ZBTB40: variants seen among roughly 807,000 people sequenced by gnomAD.
The protein encoded by ZBTB40 is zinc finger and BTB domain-containing protein 40.
A neutral mutation model predicts 117.5 loss-of-function variants in ZBTB40; 60 were observed. The observed-to-expected ratio is 0.51, with a 90% CI of 0.41 to 0.63. The LOEUF is 0.63. Among genes scored for constraint, ZBTB40 ranks in the 30% least tolerant of loss-of-function variants. The probability of loss-of-function intolerance (pLI) is 0.00; values close to 1 mark genes in which losing one functional copy is unlikely to be tolerated. For missense variants in ZBTB40, 1,287 were observed against 1,498.5 expected (o/e 0.86, Z 2.33); for synonymous variants, 525 against 577.1 (o/e 0.91, Z 1.29).
At chr1:22,438,936 C>T (rs1640702096) in intron 1 of ZBTB40, among the ~76,000 whole-genome samples, 1 of 152,038 alleles carries the variant, frequency 6.6e-6, no homozygotes, top group South Asian at 2.1e-4. Flanking sequence ...GGCATGATCT[C>T]GGCTCACTGC....
rs1486786421 is a variant in ZBTB40, at chr1:22,527,491, G to A, written c.*1095G>A. 1 of 152,386 alleles carries A rather than the reference G, an allele frequency of 6.6e-6. No homozygotes were observed. The highest frequency in any genetic ancestry group is 1.5e-5 in the Non-Finnish European group (1 of 68,042). The allele number at this position is 152,386 out of a possible 1,614,324, so 9.4% of individuals were successfully genotyped here. ...AATATAATCTGATAATTAATGGTTT[G>A]TGGAATCCATTATGAAGTGCAATTA... On this transcript the variant is annotated 3_prime_UTR_variant, in exon 18 of 18. Coordinates refer to ENST00000375647, the MANE Select transcript of ZBTB40 (RefSeq NM_014870.4).
intron 1 of ZBTB40, among the ~76,000 whole-genome samples, chr1:22,429,038 A>G (rs2124355684): frequency 6.6e-6 from 1 of 152,330 alleles, no homozygotes; most frequent in East Asian, 1.9e-4. Flanking sequence ...TAACTGATAC[A>G]AGCAAAAGTC....
intron 1 of ZBTB40, among the ~76,000 whole-genome samples, chr1:22,477,816 G>A (rs1218151702): frequency 6.6e-6 from 1 of 152,144 alleles, no homozygotes; most frequent in Non-Finnish European, 1.5e-5. Flanking sequence ...TCAAAGTGCT[G>A]GGATTAACAG....
intron 1 of ZBTB40, among the ~76,000 whole-genome samples, chr1:22,432,574 G>GA (rs1640606625): frequency 6.6e-6 from 1 of 152,194 alleles, no homozygotes; most frequent in South Asian, 2.1e-4. Context: ...AGGTACATTG[G>GA]ATAGTAAAGT....
intron 1 of ZBTB40, among the ~76,000 whole-genome samples, chr1:22,487,995 C>G (rs1638520609): frequency 6.6e-6 from 1 of 152,150 alleles, no homozygotes; most frequent in Non-Finnish European, 1.5e-5. Context: ...TATCTGCATG[C>G]CTCATGCAGG....
intron 1 of ZBTB40, among the ~76,000 whole-genome samples, chr1:22,431,247 T>A (rs1640577748): frequency 6.8e-6 from 1 of 148,016 alleles, no homozygotes; most frequent in African/African-American, 2.5e-5. Flanking sequence ...ATAGTATGCA[T>A]ATACAATATT....
intron 5 of ZBTB40, among the ~76,000 whole-genome samples, chr1:22,503,568 G>A (rs752890205): frequency 1.3e-5 from 2 of 151,916 alleles, no homozygotes; most frequent in African/African-American, 4.8e-5. Flanking sequence ...CTAGATCCTC[G>A]ATTTTATTTT....
At chr1:22,441,027 T>G (rs539620011) in intron 1 of ZBTB40, among the ~76,000 whole-genome samples, 1 of 152,342 alleles carries the variant, frequency 6.6e-6, no homozygotes, top group South Asian at 2.1e-4. Context: ...CCTCCTCAAT[T>G]TTTTGGAAAA....
chr1:22,518,848 C>T (rs974958520), intron 13 of ZBTB40, among the ~76,000 whole-genome samples: 1 of 152,202 alleles, frequency 6.6e-6, no homozygotes, highest in African/African-American at 2.4e-5. Context: ...TCTTTAATGA[C>T]ATTCTGCTTT....
chr1:22,491,141 C>T (rs536741838), intron 2 of ZBTB40, among the ~76,000 whole-genome samples: 2 of 152,146 alleles, frequency 1.3e-5, no homozygotes, highest in South Asian at 2.1e-4. Context: ...ATGATCCACC[C>T]GCCTCAGCCT....
Position 22,530,773 on chromosome 1 carries a change from CAG to C in ZBTB40, c.*4378_*4379del, listed in dbSNP as rs1369846976. On this transcript the variant is annotated 3_prime_UTR_variant, in exon 18 of 18. Transcript: ENST00000375647. The stretch of plus-strand genomic sequence containing the variant: ...GTTCTGGGCCAGTGTCAGACGGGGA[CAG>C]GGGTGATAGGCCTGGTGTCCTAGGG... 1.3e-5 allele frequency: 2 copies of C among 152,268 alleles called. No individual in the cohort carries two copies. The highest frequency in any genetic ancestry group is 2.9e-5 in the Non-Finnish European group (2 of 68,036). 9.4% of individuals were successfully genotyped at this position (152,268 alleles called of 1,614,324 possible).
chr1:22,429,250 CG>C (rs1228109822), intron 1 of ZBTB40, among the ~76,000 whole-genome samples: 1 of 151,968 alleles, frequency 6.6e-6, no homozygotes, highest in Non-Finnish European at 1.5e-5. Context: ...GGCGTGGTGG[CG>C]GGCGCCTGTA....
intron 1 of ZBTB40, among the ~76,000 whole-genome samples, chr1:22,468,507 G>A (rs1343423156): frequency 2.8e-5 from 3 of 105,892 alleles, no homozygotes; most frequent in Non-Finnish European, 5.2e-5. Flanking sequence ...ACAGGATGTC[G>A]CTCTGTTGCG....
rs531326480 is a variant in ZBTB40 at position 22,526,000 on chromosome 1, G to A, written c.3526-202G>A. Among the ~76,000 whole-genome samples the A allele has an allele frequency of 7.9e-5, 12 of 152,316 alleles. No individual in the cohort carries two copies. In the East Asian group the frequency reaches 2.3e-3, roughly 29 times the overall value. ...CTGAGCAAAATTATAGCAATTTAGT[G>A]CACAGTTATTTAAATTGTTTGCTGG... On this transcript the variant is annotated intron_variant, in intron 17 of 17. Coordinates refer to ENST00000375647, the MANE Select transcript of ZBTB40 (RefSeq NM_014870.4).
At chr1:22,440,390 T>C (rs1640716986) in intron 1 of ZBTB40, among the ~76,000 whole-genome samples, 1 of 152,224 alleles carries the variant, frequency 6.6e-6, no homozygotes, top group South Asian at 2.1e-4. Context: ...TAGTCCCAGC[T>C]ATGTGGGAGG....
At chr1:22,514,599 G>A (rs886994055) in intron 12 of ZBTB40, among the ~76,000 whole-genome samples, 1 of 152,150 alleles carries the variant, frequency 6.6e-6, no homozygotes, top group African/African-American at 2.4e-5. Flanking sequence ...CCTCCTTTGA[G>A]ACCTTACTCA....
rs1485079852 is a variant in ZBTB40, at chr1:22,513,467, G to A, written c.2668+337G>A. Among the ~76,000 whole-genome samples, 1 of 152,018 alleles carries A rather than the reference G, an allele frequency of 6.6e-6. No individual in the cohort carries two copies. Among genetic ancestry groups the A allele is most frequent in the Admixed American group, 6.5e-5 (1 of 15,274 alleles). The stretch of plus-strand genomic sequence containing the variant: ...TAAGTATCAAAAAAAAAATAAGGCT[G>A]AGGCAGGCGGATCACAAGGTCAGGA... On this transcript the variant is annotated intron_variant, in intron 12 of 17. Coordinates refer to ENST00000375647, the MANE Select transcript of ZBTB40 (RefSeq NM_014870.4). This position sits in a 1 kb window ranked among gnomAD's most constrained non-coding sequence, Gnocchi z 4.9.
intron 1 of ZBTB40, among the ~76,000 whole-genome samples, chr1:22,431,645 A>G (rs1194578850): frequency 6.6e-6 from 1 of 151,880 alleles, no homozygotes. Flanking sequence ...CTGAGGCAGG[A>G]GAATCTCTTG....
intron 15 of ZBTB40, 113 bp from the exon 16 acceptor site, chr1:22,522,264 T>A: frequency 1.0e-6 from 1 of 958,652 alleles, no homozygotes; most frequent in South Asian, 1.3e-5. Context: ...TGGCACTTGG[T>A]AGATGCTTGC....
Sources: allele counts gnomAD v4.1 joint callset (sites outside exome capture counted in the v4.1 genomes callset), GRCh38; gene constraint gnomAD v4.1.1; non-coding constraint Gnocchi (gnomAD v3.1); transcripts MANE v1.5; gene names NCBI Gene and HGNC (gene_info 2026-07-23, HGNC 2026-07-21).